The following ANAPC7 variants were observed in gnomAD, a reference collection of about 807,000 sequenced individuals.
The protein encoded by ANAPC7 is anaphase promoting complex subunit 7.
ANAPC7 carries 25 observed loss-of-function variants against 63.3 expected under a neutral mutation model. The observed-to-expected ratio is 0.39, with a 90% CI of 0.29 to 0.55. The LOEUF is 0.55. ANAPC7 is among the 20% of genes least tolerant of loss of function. The probability of loss-of-function intolerance (pLI) is 0.57; values close to 1 mark genes in which losing one functional copy is unlikely to be tolerated. For synonymous variants in ANAPC7, 241 were observed against 251.7 expected (o/e 0.96, Z 0.40); for missense variants, 516 against 691.7 (o/e 0.75, Z 2.85).
intron 2 of ANAPC7, among the ~76,000 whole-genome samples, chr12:110,395,567 G>A (rs1288417930): frequency 6.6e-6 from 1 of 151,918 alleles, no homozygotes; most frequent in Non-Finnish European, 1.5e-5. Context: ...TTGGATTACA[G>A]GTGTGAGCCA....
Position 110,377,387 on chromosome 12 carries a change from A to G in ANAPC7, c.1357+6T>C, listed in dbSNP as rs750683112. Reference sequence around the variant, plus strand: ...ATGAACAGGACAGAAAATAAGACACACTTACTAAGTAGTTCTGCTTTTTTC... The same window carrying G: ...ATGAACAGGACAGAAAATAAGACACGCTTACTAAGTAGTTCTGCTTTTTTC... On this transcript the variant is annotated splice_donor_region_variant and intron_variant, in intron 9 of 10. Transcript: ENST00000455511. The G allele has an allele frequency of 1.2e-6, 2 of 1,609,762 alleles. No homozygotes were observed. The highest frequency in any genetic ancestry group is 1.7e-5 in the Admixed American group (1 of 59,754).
intron 6 of ANAPC7, 26 bp downstream of exon 6, chr12:110,386,301 G>T: frequency 6.2e-7 from 1 of 1,613,202 alleles, no homozygotes. Flanking sequence ...AACAGCCACT[G>T]TCTTCCTGCC....
At chr12:110,377,746 G>A in intron 8 of ANAPC7, 129 bp from the exon 9 acceptor site, 1 of 1,505,658 alleles carries the variant, frequency 6.6e-7, no homozygotes, top group Non-Finnish European at 8.9e-7. Context: ...GGAAACTGAT[G>A]GTGAGATTAG....
Position 110,382,944 on chromosome 12 carries a change from G to A in ANAPC7, c.834C>T (p.Gly278=), listed in dbSNP as rs555696355. 3.7e-6 allele frequency: 6 copies of A among 1,613,484 alleles called. No homozygotes were observed. The East Asian group carries it at 1.3e-4, about 36-fold the overall frequency. ...PYLIKGMDVY[G]YLLAREGRLE... ...GCCGCCCTTCTCGTGCCAGTAGGTA[G>A]CCATATACATCCATTCCTAGAAGAG... The change falls in exon 7 of 11, where the codon GGC becomes GGT. Residue 278 remains glycine (G), a synonymous_variant. Transcript: ENST00000455511.
intron 9 of ANAPC7, 94 bp from the exon 10 acceptor site, chr12:110,376,310 A>T: frequency 1.4e-6 from 2 of 1,430,640 alleles, no homozygotes; most frequent in African/African-American, 1.4e-5. Flanking sequence ...TCAAGAGAAC[A>T]CTGGTGCAAC....
In ANAPC7 at chr12:110,398,308, T is replaced by A. The variant is rs145572127; in HGVS notation, c.102-1856A>T. On this transcript the variant is annotated intron_variant, in intron 1 of 10. Transcript: ENST00000455511. ...GTGCATGCCCGTAATCCCAGCTACT[T>A]AGGAGGCTAAGACAGGACAATCGCT... 2.0e-5 allele frequency among the ~76,000 whole-genome samples: 3 copies of A among 151,674 alleles called. No individual in the cohort carries two copies. In the South Asian group the frequency reaches 6.3e-4, roughly 32 times the overall value.
chr12:110,377,769 G>A (rs1247712815), intron 8 of ANAPC7, 152 bp from the exon 9 acceptor site: 2 of 1,471,042 alleles, frequency 1.4e-6, no homozygotes, highest in Non-Finnish European at 1.8e-6. Context: ...TGGCAAGAGT[G>A]TTGATGGAAT....
At chr12:110,401,303 G>C (rs2062224223) in intron 1 of ANAPC7, among the ~76,000 whole-genome samples, 1 of 152,136 alleles carries the variant, frequency 6.6e-6, no homozygotes, top group South Asian at 2.1e-4. Flanking sequence ...CCATTTATTG[G>C]ATGTGTGAAC....
At chr12:110,391,874 C>T (rs1883112342) in intron 3 of ANAPC7, among the ~76,000 whole-genome samples, 1 of 152,124 alleles carries the variant, frequency 6.6e-6, no homozygotes, top group Non-Finnish European at 1.5e-5. Context: ...GCAGGCGGAT[C>T]ACCTAAGGTC....
Position 110,386,398 on chromosome 12 carries a change from C to G in ANAPC7, c.746G>C (p.Arg249Thr). 1 of 1,614,100 alleles carries G rather than the reference C, an allele frequency of 6.2e-7. No individual in the cohort carries two copies. Among genetic ancestry groups the G allele is most frequent in the South Asian group, 1.1e-5 (1 of 91,086 alleles). The part of the protein sequence containing the change: ...LLGSLADLYF[R>T]AGDNKNSVLK... ...GACAGAGTTTTTATTGTCTCCAGCTCTGAAGTACAGATCTGCCAAGCTTCC... is the reference window on the plus strand; with the variant it reads ...GACAGAGTTTTTATTGTCTCCAGCTGTGAAGTACAGATCTGCCAAGCTTCC... Residue 249 changes from arginine (R) to threonine (T), a missense_variant, in exon 6 of 11, where the codon AGA becomes ACA. Transcript: ENST00000455511.
intron 3 of ANAPC7, among the ~76,000 whole-genome samples, chr12:110,389,076 C>T (rs1391665178): frequency 6.0e-5 from 8 of 132,478 alleles, no homozygotes; most frequent in Admixed American, 6.0e-4. Flanking sequence ...AGTGAGACTC[C>T]ATCTTAAAAA....
At position 110,395,159 on chromosome 12, in the gene ANAPC7, T is replaced by C; in HGVS notation, c.350A>G (p.Gln117Arg). The change falls in exon 3 of 11, where the codon CAA becomes CGA. Residue 117 changes from glutamine to arginine, a missense_variant. Physicochemically the swap from Gln to Arg is conservative, Grantham distance 43 (BLOSUM62 1). Around this residue, in one of 4 missense-constraint regions of ANAPC7, gnomAD observed 185 missense variants for 200.3 expected, o/e 0.92. Transcript: ENST00000455511. The stretch of plus-strand genomic sequence containing the variant: ...AAGTATAGCAATGGCATCTTTATCT[T>C]GTTTTAGCATTGTATAACATTCAGC... ...KMAECYTMLKQDKDAIAILDG... is the reference protein window; with the variant it reads ...KMAECYTMLKRDKDAIAILDG... 1.9e-6 allele frequency: 3 copies of C among 1,613,918 alleles called. No homozygotes were observed. The highest frequency in any genetic ancestry group is 2.5e-6 in the Non-Finnish European group (3 of 1,179,844).
chr12:110,382,797 C>G, intron 7 of ANAPC7, 46 bp downstream of exon 7: 1 of 1,480,430 alleles, frequency 6.8e-7, no homozygotes, highest in Non-Finnish European at 9.4e-7. Flanking sequence ...ACCATTATCT[C>G]TTAATCTACT....
At position 110,377,839 on chromosome 12, in the gene ANAPC7, G is replaced by A. The variant is rs544248996; in HGVS notation, c.1133-222C>T. 68 of 1,407,682 alleles carry A rather than the reference G, an allele frequency of 4.8e-5. No homozygotes were observed. The African/African-American group carries it at 9.2e-4, about 19-fold the overall frequency. The allele number at this position is 1,407,682 out of a possible 1,614,324, so 87.2% of individuals were successfully genotyped here. On this transcript the variant is annotated intron_variant, in intron 8 of 10. Transcript: ENST00000455511. ...GATGTAGAAAAAGACTGCCTTCAAA[G>A]GCACCTTCAGTTTAGGGAAGGAAAC...
chr12:110,382,344 A>G (rs1881932190), intron 7 of ANAPC7, among the ~76,000 whole-genome samples: 1 of 150,332 alleles, frequency 6.7e-6, no homozygotes. Context: ...AGGAGAGGTT[A>G]TTAGCCCATT....
intron 3 of ANAPC7, among the ~76,000 whole-genome samples, chr12:110,392,646 A>G (rs922609727): frequency 2.6e-5 from 4 of 152,234 alleles, no homozygotes; most frequent in African/African-American, 9.6e-5. Flanking sequence ...TTTATTTGGT[A>G]TTTATAAAAG....
At chr12:110,403,328 C>A (rs953927397) in intron 1 of ANAPC7, among the ~76,000 whole-genome samples, 199 bp downstream of exon 1, 10 of 152,106 alleles carry the variant, frequency 6.6e-5, no homozygotes, top group African/African-American at 2.2e-4. Flanking sequence ...CACATCCCCG[C>A]GGGACTTGAC....
At chr12:110,376,587 G>A (rs59398345) in intron 9 of ANAPC7, among the ~76,000 whole-genome samples, 4,629 of 70,470 alleles carry the variant, frequency 0.066, 38 homozygotes, top group Middle Eastern at 0.11. Context: ...AAAAAAAAAA[G>A]AAATTTGCAG....
intron 3 of ANAPC7, among the ~76,000 whole-genome samples, chr12:110,389,102 AG>A (rs373891142): frequency 5.6e-5 from 8 of 143,918 alleles, no homozygotes; most frequent in African/African-American, 1.6e-4. Flanking sequence ...AAAAAAAAAA[AG>A]AAAAGAAAAG....
Sources: gnomAD v4.1 joint callset for allele counts (sites outside exome capture counted in the v4.1 genomes callset) on GRCh38, gnomAD v4.1.1 for gene constraint, gnomAD v4.1.1 regional missense constraint, MANE v1.5 for transcripts, NCBI Gene and HGNC (gene_info 2026-07-23, HGNC 2026-07-21) for gene names.